GUCY1A1: variants seen among roughly 807,000 people sequenced by gnomAD.
GUCY1A1 encodes guanylate cyclase soluble subunit alpha-1.
In GUCY1A1, 48 loss-of-function variants were observed where a neutral mutation model predicts 64.5. The observed-to-expected ratio is 0.74, with a 90% CI of 0.59 to 0.95. The LOEUF is 0.95. Ranked by LOEUF, GUCY1A1 falls within the 40% of genes least tolerant of loss-of-function variation. The probability of loss-of-function intolerance (pLI) is 0.00; values close to 1 mark genes in which losing one functional copy is unlikely to be tolerated. For synonymous variants in GUCY1A1, 308 were observed against 303.4 expected, an observed-to-expected ratio of 1.02 and a Z score of -0.16; for missense variants, 804 against 825.3, an observed-to-expected ratio of 0.97 and a Z score of 0.32.
chr4:155,673,067 A>C (rs1734367255), intron 2 of GUCY1A1, among the ~76,000 whole-genome samples: 1 of 146,742 alleles, frequency 6.8e-6, no homozygotes, highest in South Asian at 2.1e-4. Context: ...ATCTTTATCC[A>C]GTGTGCTCTT....
chr4:155,688,709 C>G (rs1012363639), intron 2 of GUCY1A1, among the ~76,000 whole-genome samples: 2 of 150,972 alleles, frequency 1.3e-5, no homozygotes, highest in African/African-American at 4.9e-5. Flanking sequence ...AAACTGTGCA[C>G]TAAAAATAAA....
chr4:155,733,254 CAA>C lies in GUCY1A1; in HGVS notation c.*3025_*3026del, dbSNP rs559649676. On this transcript the variant is annotated 3_prime_UTR_variant, in exon 10 of 10. Coordinates refer to ENST00000506455, the MANE Select transcript of GUCY1A1 (RefSeq NM_001130682.3). The stretch of plus-strand genomic sequence containing the variant: ...ATAATTACAACATTCTGTGGGAGCA[CAA>C]AGTAGGGGACTCAGTTCTTAGAGAA... 1.1e-4 allele frequency among the ~76,000 whole-genome samples: 16 copies of C among 151,672 alleles called. No individual in the cohort carries two copies. In the South Asian group the frequency reaches 3.1e-3, roughly 30 times the overall value.
chr4:155,723,326 C>T (rs28451802), intron 9 of GUCY1A1, among the ~76,000 whole-genome samples: 7,626 of 152,140 alleles, frequency 0.05, 646 homozygotes, highest in African/African-American at 0.17. Context: ...AGAGGAGCCA[C>T]GTGTCATCTA....
rs1026246755 is a variant in GUCY1A1, at chr4:155,690,674, T to G, written c.-112-6082T>G. The stretch of plus-strand genomic sequence containing the variant: ...CCAAGCATGCTGTTCTTTCTGGAAC[T>G]CTCTTGGCCTGACGCAGCTCAGATG... On this transcript the variant is annotated intron_variant, in intron 2 of 9. Transcript: ENST00000506455. Among the ~76,000 whole-genome samples, 4 of 152,162 alleles carry G rather than the reference T, an allele frequency of 2.6e-5. 1 individual carries two copies. Among genetic ancestry groups the G allele is most frequent in the Non-Finnish European group, 5.9e-5 (4 of 68,030 alleles).
In GUCY1A1 at chr4:155,730,152, A is replaced by G; in HGVS notation, c.1994A>G (p.Asn665Ser). The G allele has an allele frequency of 7.4e-6, 12 of 1,611,926 alleles. No individual in the cohort carries two copies. The highest frequency in any genetic ancestry group is 1.0e-5 in the Non-Finnish European group (12 of 1,178,468). Residue 665 changes from asparagine to serine, a missense_variant, in exon 10 of 10, where the codon AAC becomes AGC. Asn to Ser is a conservative substitution (Grantham distance 46). Coordinates refer to ENST00000506455, the MANE Select transcript of GUCY1A1 (RefSeq NM_001130682.3). ...HFLDAYQQGT[N>S]SKPCFQKKDV... ...CTGGATGCTTACCAACAAGGAACAA[A>G]CTCAAAACCATGCTTCCAAAAGAAA... is the stretch of plus-strand genomic sequence containing the variant.
intron 6 of GUCY1A1, among the ~76,000 whole-genome samples, chr4:155,712,026 T>G (rs543135507): frequency 1.2e-3 from 182 of 152,352 alleles, no homozygotes; most frequent in African/African-American, 4.0e-3. Flanking sequence ...TTACAACTGC[T>G]TTTATCATGA....
rs201711745 is a variant in GUCY1A1 at position 155,711,176 on chromosome 4, G to T, written c.1011G>T (p.Gly337=). The T allele has an allele frequency of 6.2e-7, 1 of 1,613,820 alleles. No individual in the cohort carries two copies. The highest frequency in any genetic ancestry group is 2.2e-5 in the East Asian group (1 of 44,872). Residue 337 remains glycine, a synonymous_variant, in exon 6 of 10, where the codon GGG becomes GGT. Coordinates refer to ENST00000506455, the MANE Select transcript of GUCY1A1 (RefSeq NM_001130682.3). ...CAAAAATCAACCAGACGTTTAGCGG[G>T]ATCATGACTATGTTGAATATGCAGT... ...LTPKINQTFS[G]IMTMLNMQFV...
intron 9 of GUCY1A1, among the ~76,000 whole-genome samples, chr4:155,727,616 TTTTA>T (rs1734897908): frequency 6.6e-6 from 1 of 151,780 alleles, no homozygotes; most frequent in Non-Finnish European, 1.5e-5. Flanking sequence ...TTTTATACAT[TTTTA>T]TTTATTAGAC....
rs142205240 is a variant in GUCY1A1, at chr4:155,730,043, T to G, written c.1885T>G (p.Cys629Gly). ...SPTTYRLLKD[C>G]PGFVFTPRSR... ...TAATATTTTCAGATTACTCAAAGAC[T>G]GTCCTGGTTTCGTGTTTACCCCTCG... is the stretch of plus-strand genomic sequence containing the variant. The change falls in exon 10 of 10, where the codon TGT (cysteine) becomes GGT (glycine). Residue 629 changes from cysteine to glycine, a missense_variant. By Grantham distance (159) the Cys-to-Gly change is radical (BLOSUM62 -3). Transcript: ENST00000506455. 3 of 1,599,446 alleles carry G rather than the reference T, an allele frequency of 1.9e-6. No homozygotes were observed. The highest frequency in any genetic ancestry group is 2.6e-6 in the Non-Finnish European group (3 of 1,167,314).
chr4:155,683,893 A>T (rs916022500), intron 2 of GUCY1A1, among the ~76,000 whole-genome samples: 3 of 152,198 alleles, frequency 2.0e-5, no homozygotes, highest in Non-Finnish European at 4.4e-5. Flanking sequence ...CCACAAAGAA[A>T]GGAGGGCTTC....
At chr4:155,700,399 GA>G (rs1247344275) in intron 3 of GUCY1A1, among the ~76,000 whole-genome samples, 1 of 152,094 alleles carries the variant, frequency 6.6e-6, no homozygotes, top group Admixed American at 6.5e-5. Flanking sequence ...TATTGGTCTA[GA>G]AAAACGTTAA....
At chr4:155,694,649 T>C (rs1392974595) in intron 2 of GUCY1A1, among the ~76,000 whole-genome samples, 1 of 152,204 alleles carries the variant, frequency 6.6e-6, no homozygotes, top group Non-Finnish European at 1.5e-5. Context: ...GTATATCATC[T>C]CTGGCTGGCT....
chr4:155,691,370 A>G (rs1313776013), intron 2 of GUCY1A1, among the ~76,000 whole-genome samples: 2 of 152,218 alleles, frequency 1.3e-5, no homozygotes, highest in African/African-American at 2.4e-5. Context: ...GGAAAGTTCT[A>G]TAAACATTTC....
At chr4:155,694,704 T>C (rs1272430899) in intron 2 of GUCY1A1, among the ~76,000 whole-genome samples, 1 of 152,194 alleles carries the variant, frequency 6.6e-6, no homozygotes, top group Non-Finnish European at 1.5e-5. Flanking sequence ...AAAGACCATG[T>C]AACCTGCAAA....
intron 6 of GUCY1A1, 98 bp from the exon 7 acceptor site, chr4:155,713,000 C>A: frequency 1.9e-6 from 2 of 1,039,104 alleles, no homozygotes; most frequent in Non-Finnish European, 2.8e-6. Context: ...CAGGTTTAAA[C>A]ACAAAGGGTT....
At chr4:155,698,099 G>C (rs776693521) in intron 3 of GUCY1A1, among the ~76,000 whole-genome samples, 2 of 152,148 alleles carry the variant, frequency 1.3e-5, no homozygotes, top group Non-Finnish European at 2.9e-5. Context: ...AGATAATCTT[G>C]TTTCACTCCC....
rs1483333087 is a variant in GUCY1A1, at chr4:155,735,239, T to C, written c.*5008T>C. The C allele has an allele frequency of 1.3e-5, 2 of 151,932 alleles. No homozygotes were observed. Among genetic ancestry groups the C allele is most frequent in the South Asian group, 2.1e-4 (1 of 4,820 alleles). 9.4% of individuals were successfully genotyped at this position (151,932 alleles called of 1,614,324 possible). A position where few individuals can be genotyped will look rare whatever the true frequency, so the allele number is the denominator to read the frequency against. The stretch of plus-strand genomic sequence containing the variant: ...TATCCCATTACCTTATTTATGTCCA[T>C]TTATTTTCATATATAGTATCTGCCA... On this transcript the variant is annotated 3_prime_UTR_variant, in exon 10 of 10. Coordinates refer to ENST00000506455, the MANE Select transcript of GUCY1A1 (RefSeq NM_001130682.3).
intron 8 of GUCY1A1, among the ~76,000 whole-genome samples, chr4:155,717,775 G>A (rs1040565542): frequency 2.6e-5 from 4 of 152,056 alleles, no homozygotes; most frequent in South Asian, 2.1e-4. Context: ...ATGAGTGATG[G>A]GAAAATGGAC....
At position 155,735,854 on chromosome 4, in the gene GUCY1A1, C is replaced by T. The variant is rs1736004824; in HGVS notation, c.*5623C>T. The T allele has an allele frequency of 6.6e-6, 1 of 151,916 alleles. No homozygotes were observed. Among genetic ancestry groups the T allele is most frequent in the African/African-American group, 2.4e-5 (1 of 41,390 alleles). The allele number at this position is 151,916 out of a possible 1,614,324, so 9.4% of individuals were successfully genotyped here. On this transcript the variant is annotated 3_prime_UTR_variant, in exon 10 of 10. Coordinates refer to ENST00000506455, the MANE Select transcript of GUCY1A1 (RefSeq NM_001130682.3). ...GAAGCTCTTTGGAAAGTTATGGCAA[C>T]AGTGGTCTGGGAATTCTGGGCCTTT...
Sources: gnomAD v4.1 joint callset for allele counts (sites outside exome capture counted in the v4.1 genomes callset) on GRCh38, gnomAD v4.1.1 for gene constraint, MANE v1.5 for transcripts, NCBI Gene and HGNC (gene_info 2026-07-23, HGNC 2026-07-21) for gene names.